RUNDC1: variants seen among roughly 807,000 people sequenced by gnomAD.
The protein encoded by RUNDC1 is RUN domain containing 1.
RUNDC1 carries 31 observed loss-of-function variants against 49.3 expected under a neutral mutation model. The observed-to-expected ratio is 0.63, with a 90% CI of 0.47 to 0.85. The LOEUF (loss-of-function observed/expected upper bound fraction) is 0.85. RUNDC1 is among the 40% of genes least tolerant of loss of function. The pLI is 0.00. For missense variants in RUNDC1, 715 were observed against 806.7 expected (o/e 0.89, Z 1.38); for synonymous variants, 347 against 348.6 (o/e 1.00, Z 0.05).
At chr17:42,981,420 T>TG in intron 1 of RUNDC1, 1 of 265,130 alleles carries the variant, frequency 3.8e-6, no homozygotes, top group South Asian at 1.3e-4. Context: ...ATCTCAGTCT[T>TG]GAACACTTTG....
rs566510194 is a variant in RUNDC1, at chr17:42,990,464, T to G, written c.976+28T>G. 1.1e-5 allele frequency: 17 copies of G among 1,611,246 alleles called. No homozygotes were observed. The African/African-American group carries it at 2.3e-4, about 22-fold the overall frequency. On this transcript the variant is annotated intron_variant, in intron 4 of 4. Coordinates refer to ENST00000361677, the MANE Select transcript of RUNDC1 (RefSeq NM_173079.5). ...AAGTGCAGTTTCCAGAACAGGCAAA[T>G]CTCTAGAGACAGAAAGTAGATGAGT...
chr17:42,982,928 G>A (rs1453945891), intron 1 of RUNDC1, among the ~76,000 whole-genome samples: 1 of 151,510 alleles, frequency 6.6e-6, no homozygotes, highest in Non-Finnish European at 1.5e-5. Flanking sequence ...CAGAGGTTGC[G>A]GTGAGCCAAG....
intron 2 of RUNDC1, among the ~76,000 whole-genome samples, chr17:42,987,815 C>T (rs2050190038): frequency 6.6e-6 from 1 of 151,838 alleles, no homozygotes; most frequent in Non-Finnish European, 1.5e-5. Context: ...TGCAATGGCA[C>T]AATCTCAGCT....
Position 42,994,793 on chromosome 17 carries a change from C to T in RUNDC1, c.*3077C>T, listed in dbSNP as rs1027217248. On this transcript the variant is annotated 3_prime_UTR_variant, in exon 5 of 5. Transcript: ENST00000361677. ...TCATCTGTCATTACTGAGAACAGAG[C>T]TCTGTCCTTCACTTAGGGTGAGACA... 2.0e-5 allele frequency among the ~76,000 whole-genome samples: 3 copies of T among 152,192 alleles called. No homozygotes were observed. The highest frequency in any genetic ancestry group is 4.4e-5 in the Non-Finnish European group (3 of 68,048).
chr17:42,987,231 A>T (rs777982902), intron 1 of RUNDC1, 25 bp from the exon 2 acceptor site: 1 of 1,610,640 alleles, frequency 6.2e-7, no homozygotes, highest in African/African-American at 1.3e-5. Flanking sequence ...CCTGCATAAT[A>T]GACCCAATTA....
Position 42,989,358 on chromosome 17 carries a change from A to T in RUNDC1, c.675A>T (p.Leu225Phe), listed in dbSNP as rs750524899. The T allele has an allele frequency of 5.0e-6, 8 of 1,613,730 alleles. No individual in the cohort carries two copies. The highest frequency in any genetic ancestry group is 1.7e-4 in the Middle Eastern group (1 of 5,906). Residue 225 changes from leucine to phenylalanine, a missense_variant, in exon 3 of 5, where the codon TTA becomes TTT. Physicochemically the swap from Leu to Phe is conservative, Grantham distance 22. Around this residue, in one of 5 missense-constraint regions of RUNDC1, gnomAD observed 425 missense variants for 499.7 expected, o/e 0.85. Transcript: ENST00000361677. ...CTTGGTAGGTGATCATAGATGAGTT[A>T]ATAAAGAAACTGGACATGAATCTGA... ...LERQRVIIDE[L>F]IKKLDMNLNE...
rs559051216 is a variant in RUNDC1 at position 42,981,095 on chromosome 17, C to G, written c.498+21C>G. Reference sequence around the variant, plus strand: ...ACCAGGTGAGTGGCTGGAGCCGGGCCGCGAGGAATATGGGAATAGTGGGGT... The same window carrying G: ...ACCAGGTGAGTGGCTGGAGCCGGGCGGCGAGGAATATGGGAATAGTGGGGT... On this transcript the variant is annotated intron_variant, in intron 1 of 4. Coordinates refer to ENST00000361677, the MANE Select transcript of RUNDC1 (RefSeq NM_173079.5). 8.6e-5 allele frequency: 133 copies of G among 1,547,850 alleles called. 3 individuals carry two copies. In the South Asian group the frequency reaches 1.5e-3, roughly 18 times the overall value.
At position 42,991,491 on chromosome 17, in the gene RUNDC1, G is replaced by A. The variant is rs1483289914; in HGVS notation, c.1617G>A (p.Lys539=). ...AGCGCAGTGCAGACTCAGAATTGAAGGCCTTGGTGTGCATGGCACTGAATG... is the reference window on the plus strand; with the variant it reads ...AGCGCAGTGCAGACTCAGAATTGAAAGCCTTGGTGTGCATGGCACTGAATG... The part of the protein sequence containing the change: ...PFKRSADSEL[K]ALVCMALNEQ... Residue 539 remains lysine (K), a synonymous_variant, in exon 5 of 5, where the codon AAG becomes AAA. Coordinates refer to ENST00000361677, the MANE Select transcript of RUNDC1 (RefSeq NM_173079.5). 2 of 1,614,188 alleles carry A rather than the reference G, an allele frequency of 1.2e-6. No individual in the cohort carries two copies. Among genetic ancestry groups the A allele is most frequent in the Admixed American group, 1.7e-5 (1 of 60,020 alleles).
rs776553284 is a variant in RUNDC1, at chr17:42,980,960, C to T, written c.384C>T (p.Asp128=). The change falls in exon 1 of 5, where the codon GAC becomes GAT. Residue 128 remains aspartate (D), a synonymous_variant. Coordinates refer to ENST00000361677, the MANE Select transcript of RUNDC1 (RefSeq NM_173079.5). ...AGCGCCTTCTGCGGGAGCTCGAAGA[C>T]TTCGCCTTCCGCGGCTGCCCTCACG... ...EQQRLLRELE[D]FAFRGCPHVL... 3.5e-4 allele frequency: 539 copies of T among 1,542,120 alleles called. No individual in the cohort carries two copies. Among genetic ancestry groups the T allele is most frequent in the Non-Finnish European group, 4.1e-4 (474 of 1,150,250 alleles).
At chr17:42,990,541 G>A (rs1359092782) in intron 4 of RUNDC1, 105 bp downstream of exon 4, 1 of 1,165,108 alleles carries the variant, frequency 8.6e-7, no homozygotes, top group Non-Finnish European at 1.2e-6. Context: ...GAGAAATGCT[G>A]ATGGTATGGA....
chr17:42,980,623 C>A lies in RUNDC1; in HGVS notation c.47C>A (p.Ala16Asp), dbSNP rs1328031750. ...GCAGAGCCGGTAACGGTGGTGGCGG[C>A]TGTTGGGCCAAAGGCGAAAGACGAA... ...AAAEPVTVVA[A>D]VGPKAKDEEE... The change falls in exon 1 of 5, where the codon GCT becomes GAT. Residue 16 changes from alanine (A) to aspartate (D), a missense_variant. Around this residue, in one of 5 missense-constraint regions of RUNDC1, gnomAD observed 153 missense variants for 139.4 expected, o/e 1.10. Coordinates refer to ENST00000361677, the MANE Select transcript of RUNDC1 (RefSeq NM_173079.5). 2 of 1,608,356 alleles carry A rather than the reference C, an allele frequency of 1.2e-6. No homozygotes were observed. Among genetic ancestry groups the A allele is most frequent in the Admixed American group, 3.4e-5 (2 of 59,466 alleles).
chr17:42,989,627 G>T, intron 3 of RUNDC1, 88 bp downstream of exon 3: 1 of 1,301,340 alleles, frequency 7.7e-7, no homozygotes, highest in South Asian at 1.3e-5. Flanking sequence ...TTCTAATTCT[G>T]GTTTTTTGTT....
chr17:42,983,078 C>T (rs768938885), intron 1 of RUNDC1, among the ~76,000 whole-genome samples: 1 of 150,208 alleles, frequency 6.7e-6, no homozygotes, highest in Non-Finnish European at 1.5e-5. Context: ...CTTGGGGAGG[C>T]GAAGGCTGGA....
chr17:42,992,196 CAG>C lies in RUNDC1; in HGVS notation c.*483_*484del, dbSNP rs1195634335. 1 of 159,896 alleles carries C rather than the reference CAG, an allele frequency of 6.3e-6. No individual in the cohort carries two copies. Among genetic ancestry groups the C allele is most frequent in the African/African-American group, 2.4e-5 (1 of 40,992 alleles). The allele number at this position is 159,896 out of a possible 1,614,324, so 9.9% of individuals were successfully genotyped here. ...CGCCACTGCACTCCAGCCTGGGCGACAGAGTGAGACTCCGTCTCAAAAAAAAA... is the reference window on the plus strand; with the variant it reads ...CGCCACTGCACTCCAGCCTGGGCGACAGTGAGACTCCGTCTCAAAAAAAAA... On this transcript the variant is annotated 3_prime_UTR_variant, in exon 5 of 5. Transcript: ENST00000361677.
chr17:42,984,359 C>T (rs1049492594), intron 1 of RUNDC1, among the ~76,000 whole-genome samples: 6 of 151,336 alleles, frequency 4.0e-5, no homozygotes, highest in African/African-American at 1.5e-4. Context: ...CAGCTCACTG[C>T]AACCTCCACC....
At chr17:42,988,280 T>G (rs2050196047) in intron 2 of RUNDC1, among the ~76,000 whole-genome samples, 1 of 143,530 alleles carries the variant, frequency 7.0e-6, no homozygotes, top group Non-Finnish European at 1.5e-5. Flanking sequence ...TGAGACAAAG[T>G]CTCAGTTTGT....
intron 1 of RUNDC1, among the ~76,000 whole-genome samples, chr17:42,982,988 C>CA (rs200201495): frequency 0.052 from 6,539 of 126,202 alleles, 486 homozygotes; most frequent in African/African-American, 0.18. Flanking sequence ...AACTCTGTCT[C>CA]AAAAAAAAAC....
intron 1 of RUNDC1, chr17:42,985,762 C>G (rs1026631751): frequency 4.8e-6 from 4 of 825,472 alleles, no homozygotes; most frequent in Non-Finnish European, 5.8e-6. Flanking sequence ...GTTTTTGAGA[C>G]TCAAGAAAGA....
Position 42,991,892 on chromosome 17 carries a change from A to G in RUNDC1, c.*176A>G, listed in dbSNP as rs1000877143. On this transcript the variant is annotated 3_prime_UTR_variant, in exon 5 of 5. Transcript: ENST00000361677. ...TTCCCCACCAACTTAGCTCTCGGAA[A>G]GATGTGCTGGAGGGACCCTCTTGTT... 3.0e-6 allele frequency: 2 copies of G among 674,994 alleles called. No individual in the cohort carries two copies. The highest frequency in any genetic ancestry group is 1.9e-5 in the South Asian group (1 of 51,636). The allele number at this position is 674,994 out of a possible 1,614,324, so 41.8% of individuals were successfully genotyped here.
Sources: allele counts gnomAD v4.1 joint callset (sites outside exome capture counted in the v4.1 genomes callset), GRCh38; gene constraint gnomAD v4.1.1; regional missense constraint gnomAD v4.1.1; transcripts MANE v1.5; gene names NCBI Gene and HGNC (gene_info 2026-07-23, HGNC 2026-07-21).